The following MDN1 variants were observed in gnomAD, a reference collection of about 807,000 sequenced individuals.
The protein encoded by MDN1 is midasin.
In MDN1, 266 loss-of-function variants were observed where a neutral mutation model predicts 669.2. The observed-to-expected ratio is 0.40, with a 90% CI of 0.36 to 0.44. The LOEUF (loss-of-function observed/expected upper bound fraction) is 0.44. Ranked by LOEUF, MDN1 falls within the 20% of genes least tolerant of loss-of-function variation. The pLI, the probability that MDN1 is intolerant of heterozygous loss-of-function variation, is 1.00. For missense variants in MDN1, 5,940 were observed against 6,754.0 expected (o/e 0.88, Z 4.22); for synonymous variants, 2,385 against 2,457.1 (o/e 0.97, Z 0.87).
Position 89,673,287 on chromosome 6 carries a change from C to T in MDN1, c.13423G>A (p.Ala4475Thr), listed in dbSNP as rs1810957037. The T allele has an allele frequency of 6.2e-7, 1 of 1,614,040 alleles. No individual in the cohort carries two copies. The highest frequency in any genetic ancestry group is 8.5e-7 in the Non-Finnish European group (1 of 1,180,014). The change falls in exon 80 of 102, where the codon GCT (alanine) becomes ACT (threonine). Residue 4475 changes from alanine to threonine, a missense_variant. By Grantham distance (58) the Ala-to-Thr change is moderately conservative. Transcript: ENST00000369393. ...YVRGEISKAM[A>T]DFTTWKTHLL... ...TGGGTCTTCCAGGTAGTAAAGTCAG[C>T]CATGGCTTTACTAATTTCTCCTCTT...
Position 89,762,513 on chromosome 6 carries a change from T to C in MDN1, c.2162A>G (p.His721Arg), listed in dbSNP as rs776158538. 5.0e-6 allele frequency: 8 copies of C among 1,612,926 alleles called. No homozygotes were observed. The East Asian group carries it at 1.1e-4, about 22-fold the overall frequency. Residue 721 changes from histidine (H) to arginine (R), a missense_variant, in exon 16 of 102, where the codon CAT becomes CGT. Transcript: ENST00000369393. ...CCGTAAGGGTAGCCAAATAAGCTTA[T>C]GGTCCACCGGTTTATAACTGAAACA... Reference protein sequence around the residue: ...DLLGGYKPVDHKLIWLPLREA... With the variant: ...DLLGGYKPVDRKLIWLPLREA...
intron 67 of MDN1, among the ~76,000 whole-genome samples, chr6:89,687,849 C>T (rs923236348): frequency 6.6e-6 from 1 of 152,174 alleles, no homozygotes; most frequent in Non-Finnish European, 1.5e-5. Context: ...AGTGCACCCT[C>T]ATTACCGGTA....
At position 89,803,828 on chromosome 6, in the gene MDN1, G is replaced by A. The variant is rs1479417065; in HGVS notation, c.103-274C>T. 7.3e-5 allele frequency among the ~76,000 whole-genome samples: 11 copies of A among 149,714 alleles called. No individual in the cohort carries two copies. The East Asian group carries it at 9.9e-4, about 13-fold the overall frequency. On this transcript the variant is annotated intron_variant, in intron 1 of 101. Transcript: ENST00000369393. Reference sequence around the variant, plus strand: ...GATCTCCTGACCTCGTGATCCGCCCGCCTCAGCCTCCCAAAGTGCTGAGAT... The same window carrying A: ...GATCTCCTGACCTCGTGATCCGCCCACCTCAGCCTCCCAAAGTGCTGAGAT...
chr6:89,793,957 G>A lies in MDN1; in HGVS notation c.663-3C>T, dbSNP rs758722328. Reference sequence around the variant, plus strand: ...GCAACTGGGCCTCTTCTAATAACCTGAGAGAAAGGAGAGTCTCGTCAATTA... The same window carrying A: ...GCAACTGGGCCTCTTCTAATAACCTAAGAGAAAGGAGAGTCTCGTCAATTA... On this transcript the variant is annotated splice_polypyrimidine_tract_variant and splice_region_variant and intron_variant, in intron 4 of 101. Coordinates refer to ENST00000369393, the MANE Select transcript of MDN1 (RefSeq NM_014611.3). 1.2e-6 allele frequency: 2 copies of A among 1,606,674 alleles called. No individual in the cohort carries two copies. Among genetic ancestry groups the A allele is most frequent in the Non-Finnish European group, 1.7e-6 (2 of 1,174,692 alleles).
At position 89,674,228 on chromosome 6, in the gene MDN1, T is replaced by C. The variant is rs764144572; in HGVS notation, c.13123A>G (p.Lys4375Glu). ...SQLPSGCRMRKQDHLWQQSTT... is the reference protein window; with the variant it reads ...SQLPSGCRMREQDHLWQQSTT... ...GACTGTTGCCAAAGGTGATCCTGTTTCCGCATCCGGCAACCAGAGGGCAGC... is the reference window on the plus strand; with the variant it reads ...GACTGTTGCCAAAGGTGATCCTGTTCCCGCATCCGGCAACCAGAGGGCAGC... Residue 4375 changes from lysine to glutamate, a missense_variant, in exon 79 of 102, where the codon AAA becomes GAA. Transcript: ENST00000369393. The C allele has an allele frequency of 5.6e-6, 9 of 1,614,246 alleles. No individual in the cohort carries two copies. In the South Asian group the frequency reaches 9.9e-5, roughly 18 times the overall value.
chr6:89,711,704 T>C (rs944394057), intron 49 of MDN1, among the ~76,000 whole-genome samples: 1 of 152,212 alleles, frequency 6.6e-6, no homozygotes, highest in Non-Finnish European at 1.5e-5. Flanking sequence ...CTTTCCCATA[T>C]AGAATGGTTC....
rs777911230 is a variant in MDN1, at chr6:89,672,265, C to G, written c.13729G>C (p.Ala4577Pro). The G allele has an allele frequency of 1.2e-5, 19 of 1,611,898 alleles. No individual in the cohort carries two copies. The highest frequency in any genetic ancestry group is 1.5e-5 in the Non-Finnish European group (18 of 1,179,644). The stretch of plus-strand genomic sequence containing the variant: ...AGCCTCTCCAACAGCTCGGAGATGG[C>G]AGAAATTATTTTCTGCACGTGCAAA... Reference protein sequence around the residue: ...STLHVQKIISAISELLERLKS... With the variant: ...STLHVQKIISPISELLERLKS... The change falls in exon 82 of 102, where the codon GCC becomes CCC. Residue 4577 changes from alanine to proline, a missense_variant. Physicochemically the swap from Ala to Pro is conservative, Grantham distance 27. This residue lies in a region of MDN1 where 2,280 missense variants were observed against 2,576.3 expected (regional missense o/e 0.88). Coordinates refer to ENST00000369393, the MANE Select transcript of MDN1 (RefSeq NM_014611.3).
At position 89,750,366 on chromosome 6, in the gene MDN1, C is replaced by G. The variant is rs528019755; in HGVS notation, c.3394G>C (p.Val1132Leu). Residue 1132 changes from valine (V) to leucine (L), a missense_variant, in exon 24 of 102, where the codon GTC becomes CTC. By Grantham distance (32) the Val-to-Leu change is conservative. Around this residue, in one of 5 missense-constraint regions of MDN1, gnomAD observed 2,292 missense variants for 2,638.3 expected, o/e 0.87. Transcript: ENST00000369393. Reference protein sequence around the residue: ...CYTSDSSGKLVFKEGVLIDAM... With the variant: ...CYTSDSSGKLLFKEGVLIDAM... ...ATCTTAACCCTACCTTCCTTAAAGA[C>G]AAGCTTCCCTGAGGAGTCAGACGTG... 1 of 1,608,058 alleles carries G rather than the reference C, an allele frequency of 6.2e-7. No homozygotes were observed. The highest frequency in any genetic ancestry group is 1.7e-5 in the Admixed American group (1 of 59,906).
Position 89,677,491 on chromosome 6 carries a change from T to C in MDN1, c.12539+79A>G. ...GGTATTGCTATCCCTATTTTTGCAA[T>C]GTGCAAATGAGGACAAGGAGTTCTA... On this transcript the variant is annotated intron_variant, in intron 76 of 101. Coordinates refer to ENST00000369393, the MANE Select transcript of MDN1 (RefSeq NM_014611.3). 13 of 1,556,706 alleles carry C rather than the reference T, an allele frequency of 8.4e-6. 1 individual carries two copies. The South Asian group carries it at 1.3e-4, about 15-fold the overall frequency.
intron 27 of MDN1, 121 bp downstream of exon 27, chr6:89,747,208 G>A: frequency 8.8e-7 from 1 of 1,137,956 alleles, no homozygotes; most frequent in Non-Finnish European, 1.2e-6. Context: ...GAGGGAAACA[G>A]GCTCTCTGGA....
At chr6:89,647,498 CGGA>C (rs1808565289) in intron 99 of MDN1, among the ~76,000 whole-genome samples, 1 of 151,762 alleles carries the variant, frequency 6.6e-6, no homozygotes, top group African/African-American at 2.4e-5. Context: ...CCAAACTACT[CGGA>C]AAAAAAAGTA....
chr6:89,737,828 A>G (rs1359782840), intron 33 of MDN1, among the ~76,000 whole-genome samples: 1 of 150,550 alleles, frequency 6.6e-6, no homozygotes, highest in East Asian at 2.0e-4. Context: ...GGTTCAAGCG[A>G]TTCTCCTGCC....
At chr6:89,646,462 C>A in intron 100 of MDN1, 78 bp downstream of exon 100, 3 of 1,227,964 alleles carry the variant, frequency 2.4e-6, no homozygotes, top group Non-Finnish European at 3.6e-6. Flanking sequence ...GACGGGGACA[C>A]TGAGCTGAAG....
In MDN1 at chr6:89,662,825, A is replaced by T. The variant is rs544380286; in HGVS notation, c.14379T>A (p.Asn4793Lys). 59 of 1,613,904 alleles carry T rather than the reference A, an allele frequency of 3.7e-5. 1 individual carries two copies. The Middle Eastern group carries it at 6.6e-4, about 18-fold the overall frequency. Reference protein sequence around the residue: ...DEEEDEEEEDNKTEETGPGMD... With the variant: ...DEEEDEEEEDKKTEETGPGMD... The stretch of plus-strand genomic sequence containing the variant: ...TTCCTGGTCCTGTTTCTTCAGTTTT[A>T]TTGTCTTCTTCCTCCTCATCTTCCT... Residue 4793 changes from asparagine (N) to lysine (K), a missense_variant, in exon 86 of 102, where the codon AAT becomes AAA. Physicochemically the swap from Asn to Lys is moderately conservative, Grantham distance 94. This residue lies in a region of MDN1 where 2,280 missense variants were observed against 2,576.3 expected (regional missense o/e 0.88). Coordinates refer to ENST00000369393, the MANE Select transcript of MDN1 (RefSeq NM_014611.3).
rs1194365027 is a variant in MDN1, at chr6:89,664,584, A to T, written c.14139T>A (p.Asp4713Glu). ...FQKGQEKDKE[D>E]PDSKSDIKGE... is the part of the protein sequence containing the mutation. Reference sequence around the variant, plus strand: ...CCTTAATATCAGATTTTGAATCAGGATCCTCTTTGTCTTTTTCTTGACCCT... The same window carrying T: ...CCTTAATATCAGATTTTGAATCAGGTTCCTCTTTGTCTTTTTCTTGACCCT... Residue 4713 changes from aspartate (D) to glutamate (E), a missense_variant, in exon 85 of 102, where the codon GAT becomes GAA. By Grantham distance (45) the Asp-to-Glu change is conservative (BLOSUM62 2). Transcript: ENST00000369393. 3 of 1,613,522 alleles carry T rather than the reference A, an allele frequency of 1.9e-6. No individual in the cohort carries two copies. Among genetic ancestry groups the T allele is most frequent in the Non-Finnish European group, 2.5e-6 (3 of 1,179,482 alleles).
chr6:89,760,680 T>G (rs1817497701), intron 17 of MDN1, among the ~76,000 whole-genome samples: 1 of 152,168 alleles, frequency 6.6e-6, no homozygotes, highest in South Asian at 2.1e-4. Flanking sequence ...GAAATAAATT[T>G]TGTCATTTGC....
intron 37 of MDN1, 33 bp downstream of exon 37, chr6:89,727,800 C>G: frequency 6.2e-7 from 1 of 1,612,422 alleles, no homozygotes; most frequent in Non-Finnish European, 8.5e-7. Context: ...CACACATGAT[C>G]ACCGTCTTGG....
chr6:89,721,053 C>T (rs911205172), intron 40 of MDN1, among the ~76,000 whole-genome samples: 3 of 152,138 alleles, frequency 2.0e-5, no homozygotes, highest in Non-Finnish European at 2.9e-5. Flanking sequence ...TGGGAAGATC[C>T]CTTGAGCCCA....
At chr6:89,662,329 G>T in intron 86 of MDN1, 90 bp from the exon 87 acceptor site, 1 of 1,365,054 alleles carries the variant, frequency 7.3e-7, no homozygotes. Context: ...CATAATTTCT[G>T]CCTATTGGAC....
Sources: allele counts gnomAD v4.1 joint callset (sites outside exome capture counted in the v4.1 genomes callset), GRCh38; gene constraint gnomAD v4.1.1; regional missense constraint gnomAD v4.1.1; transcripts MANE v1.5; gene names NCBI Gene and HGNC (gene_info 2026-07-23, HGNC 2026-07-21).